The following GSDMC variants were observed in gnomAD, a reference collection of about 807,000 sequenced individuals.
GSDMC encodes the protein gasdermin-C.
A neutral mutation model predicts 58.0 loss-of-function variants in GSDMC; 59 were observed. The observed-to-expected ratio is 1.02, with a 90% CI of 0.82 to 1.26. GSDMC has a LOEUF of 1.26. Ranked by LOEUF, GSDMC falls within the 50% of genes most tolerant of loss-of-function variation. GSDMC has a pLI of 0.00. For synonymous variants in GSDMC, 241 were observed against 220.2 expected (o/e 1.09, Z -0.83); for missense variants, 659 against 598.5 (o/e 1.10, Z -1.06).
the GSDMC span, among the ~76,000 whole-genome samples, chr8:129,708,320 C>T: frequency 6.6e-6 from 1 of 152,148 alleles, no homozygotes; most frequent in Admixed American, 6.5e-5. Context: ...CTAGTTAGGC[C>T]AGGTAAAGAG....
chr8:129,783,315 G>A (rs1314480094), intron 1 of GSDMC, among the ~76,000 whole-genome samples: 1 of 152,030 alleles, frequency 6.6e-6, no homozygotes, highest in Non-Finnish European at 1.5e-5. Context: ...CCTTGTTTGT[G>A]GATGATGTGG....
chr8:129,765,280 T>C (rs2033815513), intron 4 of GSDMC, among the ~76,000 whole-genome samples: 1 of 152,144 alleles, frequency 6.6e-6, no homozygotes, highest in Non-Finnish European at 1.5e-5. Flanking sequence ...GGTCCCTCAT[T>C]TCTTCCAGCC....
chr8:129,765,829 G>C, intron 3 of GSDMC, 36 bp from the exon 4 acceptor site: 1 of 1,586,224 alleles, frequency 6.3e-7, no homozygotes. Flanking sequence ...GAGTCAGAGT[G>C]GGAAAGTGAT....
intron 3 of GSDMC, among the ~76,000 whole-genome samples, chr8:129,769,679 T>A (rs1409748824): frequency 6.6e-6 from 1 of 151,054 alleles, no homozygotes; most frequent in African/African-American, 2.5e-5. Context: ...AGAGCACTTA[T>A]GGCCCAATCA....
intron 6 of GSDMC, among the ~76,000 whole-genome samples, chr8:129,754,930 A>G (rs1000633358): frequency 6.6e-6 from 1 of 152,202 alleles, no homozygotes; most frequent in Non-Finnish European, 1.5e-5. Context: ...AACCAAAAGA[A>G]AAAAGAATAA....
the GSDMC span, among the ~76,000 whole-genome samples, chr8:129,734,193 A>C: frequency 6.6e-6 from 1 of 152,152 alleles, no homozygotes; most frequent in Non-Finnish European, 1.5e-5. Context: ...CCAAATCTAC[A>C]TTTGATTGGT....
intron 6 of GSDMC, among the ~76,000 whole-genome samples, chr8:129,757,723 G>T (rs945861132): frequency 9.9e-5 from 15 of 152,138 alleles, no homozygotes; most frequent in Non-Finnish European, 2.1e-4. Context: ...CAGGTGTCAT[G>T]ATCACACCTG....
chr8:129,749,021 A>G (rs1183226900), intron 13 of GSDMC, among the ~76,000 whole-genome samples: 1 of 152,236 alleles, frequency 6.6e-6, no homozygotes, highest in African/African-American at 2.4e-5. Context: ...ATGTATGTAT[A>G]TAGTATATGC....
chr8:129,732,212 G>A, the GSDMC span, among the ~76,000 whole-genome samples: 7 of 151,608 alleles, frequency 4.6e-5, no homozygotes, highest in East Asian at 1.9e-4. Context: ...AGCCCTAGTC[G>A]AACAAGTGCC....
chr8:129,739,985 T>C, the GSDMC span, among the ~76,000 whole-genome samples: 8 of 152,290 alleles, frequency 5.3e-5, no homozygotes, highest in African/African-American at 1.9e-4. Context: ...TTGCTTATCC[T>C]AACCCTACGT....
the GSDMC span, among the ~76,000 whole-genome samples, chr8:129,719,331 C>T: frequency 2.5e-3 from 385 of 152,222 alleles, 2 homozygotes; most frequent in African/African-American, 8.9e-3. Context: ...CATAACAATT[C>T]TGAATGTTTA....
rs141074786 is a variant in GSDMC, at chr8:129,776,490, T to C, written c.221-205A>G. Among the ~76,000 whole-genome samples the C allele has an allele frequency of 3.2e-4, 49 of 152,348 alleles. 1 individual carries two copies. In the East Asian group the frequency reaches 8.9e-3, roughly 28 times the overall value. On this transcript the variant is annotated intron_variant, in intron 2 of 13. Coordinates refer to ENST00000276708, the MANE Select transcript of GSDMC (RefSeq NM_031415.3). ...GATGGAAAATATTCAAATATTTAAATGGGCATTGTGTGACAGAGATAAAAT... is the reference window on the plus strand; with the variant it reads ...GATGGAAAATATTCAAATATTTAAACGGGCATTGTGTGACAGAGATAAAAT...
chr8:129,772,138 G>A (rs1371839883), intron 3 of GSDMC, among the ~76,000 whole-genome samples: 1 of 151,974 alleles, frequency 6.6e-6, no homozygotes, highest in Non-Finnish European at 1.5e-5. Context: ...GCAGGCGCCT[G>A]TAGTCCCAGC....
intron 3 of GSDMC, among the ~76,000 whole-genome samples, chr8:129,773,627 A>G (rs2034129674): frequency 6.6e-6 from 1 of 152,014 alleles, no homozygotes; most frequent in Admixed American, 6.6e-5. Flanking sequence ...TCTACTAAAA[A>G]TAGAAAACAT....
intron 6 of GSDMC, among the ~76,000 whole-genome samples, chr8:129,759,590 T>C (rs1015395166): frequency 2.0e-5 from 3 of 152,150 alleles, no homozygotes; most frequent in African/African-American, 7.2e-5. Context: ...GACATACGAA[T>C]AGCAAACAGA....
the GSDMC span, among the ~76,000 whole-genome samples, chr8:129,706,310 T>C: frequency 6.6e-6 from 1 of 152,166 alleles, no homozygotes; most frequent in Non-Finnish European, 1.5e-5. Context: ...ACTATTGCAG[T>C]CATTCTGCAA....
At chr8:129,754,152 C>T (rs2033337312) in intron 6 of GSDMC, among the ~76,000 whole-genome samples, 1 of 152,194 alleles carries the variant, frequency 6.6e-6, no homozygotes. Context: ...CTTCAGTGAA[C>T]ACAGGTAGTA....
At position 129,750,379 on chromosome 8, in the gene GSDMC, C is replaced by A. The variant is rs568393840; in HGVS notation, c.1083+52G>T. On this transcript the variant is annotated intron_variant, in intron 11 of 13. Coordinates refer to ENST00000276708, the MANE Select transcript of GSDMC (RefSeq NM_031415.3). ...GTAACTTGGGAGTCATATCTCCTAACCAATCCCATTTACAGCTTTTACCAG... is the reference window on the plus strand; with the variant it reads ...GTAACTTGGGAGTCATATCTCCTAAACAATCCCATTTACAGCTTTTACCAG... 9.6e-6 allele frequency: 15 copies of A among 1,564,452 alleles called. No individual in the cohort carries two copies. The East Asian group carries it at 2.9e-4, about 30-fold the overall frequency.
chr8:129,711,188 A>G, the GSDMC span, among the ~76,000 whole-genome samples: 1 of 152,138 alleles, frequency 6.6e-6, no homozygotes, highest in Non-Finnish European at 1.5e-5. Flanking sequence ...CTTTACATGA[A>G]TTTTTTCACT....
Sources: allele counts gnomAD v4.1 joint callset (sites outside exome capture counted in the v4.1 genomes callset), GRCh38; gene constraint gnomAD v4.1.1; transcripts MANE v1.5; gene names NCBI Gene and HGNC (gene_info 2026-07-23, HGNC 2026-07-21).